Variants in TOX3 observed in about 807,000 individuals in gnomAD.
TOX3 encodes CAG trinucleotide repeat-containing gene F9 protein.
TOX3 carries 22 observed loss-of-function variants against 64.3 expected under a neutral mutation model. The observed-to-expected ratio is 0.34, with a 90% CI of 0.24 to 0.49. The LOEUF (loss-of-function observed/expected upper bound fraction) is 0.49, where lower values mean the gene tolerates loss of function less well. Among genes scored for constraint, TOX3 ranks in the 20% least tolerant of loss-of-function variants. The pLI is 0.99. For missense variants in TOX3, 661 were observed against 714.4 expected (o/e 0.93, Z 0.85); for synonymous variants, 291 against 273.6 (o/e 1.06, Z -0.63).
At chr16:52,480,584 C>G (rs1482349499) in intron 1 of TOX3, among the ~76,000 whole-genome samples, 1 of 152,158 alleles carries the variant, frequency 6.6e-6, no homozygotes, top group East Asian at 1.9e-4. Context: ...TAAATGAAAA[C>G]CTTTTAACGA....
At position 52,547,073 on chromosome 16, in the gene TOX3, G is replaced by A; in HGVS notation, c.-350C>T. ...GTGCGCTGGGCGAGGCTGGGACGGC[G>A]GCGGCGGCGGCGGCTGGCCCCGCTC... On this transcript the variant is annotated 5_prime_UTR_variant, in exon 1 of 7. Transcript: ENST00000219746. 2.2e-6 allele frequency: 1 copy of A among 463,802 alleles called. No individual in the cohort carries two copies. The allele number at this position is 463,802 out of a possible 1,614,324, so 28.7% of individuals were successfully genotyped here.
chr16:52,500,799 C>G (rs1285131401), intron 1 of TOX3, among the ~76,000 whole-genome samples: 4 of 152,144 alleles, frequency 2.6e-5, no homozygotes, highest in Non-Finnish European at 5.9e-5. Flanking sequence ...AAGATATAAT[C>G]TAACTACAGA....
At chr16:52,466,610 A>G (rs1011960133) in intron 2 of TOX3, among the ~76,000 whole-genome samples, 1 of 152,230 alleles carries the variant, frequency 6.6e-6, no homozygotes, top group Non-Finnish European at 1.5e-5. Context: ...AAACTAACAT[A>G]AAACATGTCT....
chr16:52,468,468 A>C (rs1960931289), intron 2 of TOX3, 41 bp downstream of exon 2: 1 of 1,572,958 alleles, frequency 6.4e-7, no homozygotes, highest in South Asian at 1.1e-5. Flanking sequence ...TATCTCAATA[A>C]CACAAAAAAC....
chr16:52,491,277 T>C (rs939536782), intron 1 of TOX3, among the ~76,000 whole-genome samples: 28 of 152,076 alleles, frequency 1.8e-4, no homozygotes, highest in African/African-American at 6.7e-4. Flanking sequence ...TAACATCCAA[T>C]GGGGTGAGCT....
chr16:52,542,465 A>T (rs571661977), intron 1 of TOX3, among the ~76,000 whole-genome samples: 1 of 152,344 alleles, frequency 6.6e-6, no homozygotes, highest in African/African-American at 2.4e-5. Context: ...AATTCATGAT[A>T]ATTCACATAA....
intron 1 of TOX3, among the ~76,000 whole-genome samples, chr16:52,477,034 T>C (rs1381184268): frequency 1.3e-5 from 2 of 152,182 alleles, no homozygotes; most frequent in African/African-American, 2.4e-5. Context: ...ATGGGTATAT[T>C]GCATGATGCT....
At chr16:52,535,222 C>G (rs1179382230) in intron 1 of TOX3, among the ~76,000 whole-genome samples, 1 of 152,216 alleles carries the variant, frequency 6.6e-6, no homozygotes, top group Non-Finnish European at 1.5e-5. Context: ...TGCTGAACTA[C>G]CTGGTGTCCC....
At chr16:52,505,656 A>G (rs1962138546) in intron 1 of TOX3, among the ~76,000 whole-genome samples, 1 of 152,182 alleles carries the variant, frequency 6.6e-6, no homozygotes, top group African/African-American at 2.4e-5. Context: ...CAACTAATTA[A>G]TAATTTTATG....
At chr16:52,523,929 A>AT (rs1173884610) in intron 1 of TOX3, among the ~76,000 whole-genome samples, 6 of 152,122 alleles carry the variant, frequency 3.9e-5, no homozygotes, top group East Asian at 1.9e-4. Context: ...GCTGCTTGAT[A>AT]TTTTTTTTCC....
At position 52,439,288 on chromosome 16, in the gene TOX3, C is replaced by A. The variant is rs1333283825; in HGVS notation, c.1668G>T (p.Gln556His). The change falls in exon 7 of 7, where the codon CAG becomes CAT. Residue 556 changes from glutamine (Q) to histidine (H), a missense_variant. By Grantham distance (24) the Gln-to-His change is conservative. Coordinates refer to ENST00000219746, the MANE Select transcript of TOX3 (RefSeq NM_001080430.4). ...AIGSPQPASQ[Q>H]HQSQIQSQTQ... is the part of the protein sequence containing the mutation. ...TCTGAGACTGTATTTGCGACTGGTGCTGCTGAGAGGCTGGCTGGGGGCTCC... is the reference window on the plus strand; with the variant it reads ...TCTGAGACTGTATTTGCGACTGGTGATGCTGAGAGGCTGGCTGGGGGCTCC... 16 of 1,613,926 alleles carry A rather than the reference C, an allele frequency of 9.9e-6. No individual in the cohort carries two copies. In the East Asian group the frequency reaches 3.6e-4, roughly 36 times the overall value.
intron 1 of TOX3, among the ~76,000 whole-genome samples, chr16:52,512,842 G>T (rs1468505901): frequency 6.6e-6 from 1 of 152,128 alleles, no homozygotes; most frequent in Non-Finnish European, 1.5e-5. Context: ...AAGAAGAAAA[G>T]AAGGCTTAAA....
chr16:52,486,006 G>T (rs1184249585), intron 1 of TOX3, among the ~76,000 whole-genome samples: 1 of 152,206 alleles, frequency 6.6e-6, no homozygotes, highest in Middle Eastern at 3.2e-3. Context: ...CAAAGCACGG[G>T]TGCATTTTAA....
rs45524334 is a variant in TOX3 at position 52,537,439 on chromosome 16, A to G, written c.87+9198T>C. On this transcript the variant is annotated intron_variant, in intron 1 of 6. Transcript: ENST00000219746. ...TATAAACAATATTTATGATATTTACATTACATAAGCACAGGCTCATTTTGG... is the reference window on the plus strand; with the variant it reads ...TATAAACAATATTTATGATATTTACGTTACATAAGCACAGGCTCATTTTGG... 6.2e-3 allele frequency among the ~76,000 whole-genome samples: 939 copies of G among 152,334 alleles called. 11 individuals are homozygous for G. The highest frequency in any genetic ancestry group is 9.0e-3 in the Non-Finnish European group (611 of 68,030).
intron 1 of TOX3, among the ~76,000 whole-genome samples, chr16:52,525,082 A>G (rs761397441): frequency 2.0e-5 from 3 of 152,212 alleles, no homozygotes; most frequent in Non-Finnish European, 2.9e-5. Context: ...ATAAATTTGC[A>G]GGTCCTGACA....
chr16:52,513,503 TAA>T (rs1239006723), intron 1 of TOX3, among the ~76,000 whole-genome samples: 1 of 152,186 alleles, frequency 6.6e-6, no homozygotes. Context: ...CACTAAAACC[TAA>T]AGTCTCCTAT....
intron 1 of TOX3, among the ~76,000 whole-genome samples, chr16:52,529,880 C>G (rs560817218): frequency 2.0e-5 from 3 of 152,194 alleles, no homozygotes; most frequent in African/African-American, 7.2e-5. Flanking sequence ...ACTCATAATC[C>G]TCTCAATACA....
chr16:52,527,581 A>G (rs1962752547), intron 1 of TOX3, among the ~76,000 whole-genome samples: 1 of 152,210 alleles, frequency 6.6e-6, no homozygotes, highest in Non-Finnish European at 1.5e-5. Context: ...GGAAAAAGAA[A>G]ACATCTGCAA....
At chr16:52,521,089 C>T (rs1962596508) in intron 1 of TOX3, among the ~76,000 whole-genome samples, 1 of 152,102 alleles carries the variant, frequency 6.6e-6, no homozygotes, top group Non-Finnish European at 1.5e-5. Context: ...TGATCTCCTC[C>T]GTCTCTCCCT....
Sources: gnomAD v4.1 joint callset for allele counts (sites outside exome capture counted in the v4.1 genomes callset) on GRCh38, gnomAD v4.1.1 for gene constraint, MANE v1.5 for transcripts, NCBI Gene and HGNC (gene_info 2026-07-23, HGNC 2026-07-21) for gene names.